Variants in ATP13A4 observed in about 807,000 individuals in gnomAD.
ATP13A4 encodes the protein probable cation-transporting ATPase 13A4.
ATP13A4 carries 114 observed loss-of-function variants against 142.5 expected under a neutral mutation model. That is an observed-to-expected ratio of 0.80 (90% CI 0.69 to 0.93). The LOEUF is 0.93. Among genes scored for constraint, ATP13A4 ranks in the 40% least tolerant of loss-of-function variants. ATP13A4 has a pLI of 0.00. For synonymous variants in ATP13A4, 488 were observed against 514.8 expected, an observed-to-expected ratio of 0.95 and a Z score of 0.70; for missense variants, 1,392 against 1,454.0, an observed-to-expected ratio of 0.96 and a Z score of 0.69.
At chr3:193,577,746 T>C (rs1406868062) in intron 2 of ATP13A4, among the ~76,000 whole-genome samples, 2 of 152,210 alleles carry the variant, frequency 1.3e-5, no homozygotes. Context: ...TCTTTGCTGA[T>C]GAAGTAGGAC....
At chr3:193,567,424 G>A (rs1034547753) in intron 2 of ATP13A4, among the ~76,000 whole-genome samples, 6 of 152,104 alleles carry the variant, frequency 3.9e-5, no homozygotes, top group Non-Finnish European at 8.8e-5. Context: ...TTTTGCTATA[G>A]CATCATGTAG....
chr3:193,582,166 T>C (rs1577089757), intron 1 of ATP13A4, among the ~76,000 whole-genome samples: 1 of 130,620 alleles, frequency 7.7e-6, no homozygotes, highest in Non-Finnish European at 1.6e-5. Flanking sequence ...TTTTTTTTTT[T>C]TGGCGGAGTT....
chr3:193,438,123 C>T (rs946426821), intron 23 of ATP13A4, among the ~76,000 whole-genome samples: 3 of 152,070 alleles, frequency 2.0e-5, no homozygotes, highest in South Asian at 4.2e-4. Context: ...TGAGCCACTG[C>T]GCCCGGCCAA....
At chr3:193,451,946 G>A (rs1186464971) in intron 17 of ATP13A4, among the ~76,000 whole-genome samples, 1 of 152,160 alleles carries the variant, frequency 6.6e-6, no homozygotes. Context: ...TCAAATCCTA[G>A]TTGAGAATTT....
At chr3:193,473,129 A>G (rs1027960267) in intron 8 of ATP13A4, among the ~76,000 whole-genome samples, 1 of 152,256 alleles carries the variant, frequency 6.6e-6, no homozygotes, top group South Asian at 2.1e-4. Context: ...CAAGAAAAGT[A>G]TAATATAAGC....
chr3:193,460,386 C>T (rs1275075080), intron 13 of ATP13A4, among the ~76,000 whole-genome samples: 1 of 152,164 alleles, frequency 6.6e-6, no homozygotes, highest in Admixed American at 6.5e-5. Context: ...TGCTGTAGCC[C>T]TTTGTTTTGA....
chr3:193,489,964 T>C (rs773094800), intron 6 of ATP13A4, 100 bp from the exon 7 acceptor site: 1 of 1,270,792 alleles, frequency 7.9e-7, no homozygotes, highest in Non-Finnish European at 1.1e-6. Context: ...ACATACATCA[T>C]CCCACACAAT....
At chr3:193,573,264 T>TATATATATATACATATATATATATACAC (rs1293295315) in intron 2 of ATP13A4, among the ~76,000 whole-genome samples, 1 of 108,458 alleles carries the variant, frequency 9.2e-6, no homozygotes, top group Non-Finnish European at 1.8e-5. Flanking sequence ...CACAGCCATA[T>TATATATATATACATATATATATATACAC]ATATATATAT....
intron 2 of ATP13A4, among the ~76,000 whole-genome samples, chr3:193,569,595 A>G (rs931405497): frequency 1.3e-5 from 2 of 151,986 alleles, no homozygotes. Flanking sequence ...CCAGGCAACA[A>G]TAGCTCACTG....
intron 25 of ATP13A4, among the ~76,000 whole-genome samples, chr3:193,416,088 G>T (rs1016814524): frequency 7.2e-5 from 11 of 152,262 alleles, no homozygotes; most frequent in South Asian, 4.1e-4. Flanking sequence ...ACTCCTAGAG[G>T]TCAAGCAAAT....
At chr3:193,582,612 T>TAA (rs1402536202) in intron 1 of ATP13A4, among the ~76,000 whole-genome samples, 1 of 109,236 alleles carries the variant, frequency 9.2e-6, no homozygotes, top group African/African-American at 3.9e-5. Flanking sequence ...ATTACATGTA[T>TAA]ATTATATATG....
chr3:193,407,139 C>A (rs562534733), intron 29 of ATP13A4, among the ~76,000 whole-genome samples, 174 bp downstream of exon 29: 2 of 152,276 alleles, frequency 1.3e-5, no homozygotes, highest in East Asian at 3.9e-4. Context: ...AAACTAACGT[C>A]CTGCTTGGGA....
chr3:193,413,181 T>C (rs1714864575), intron 26 of ATP13A4, among the ~76,000 whole-genome samples: 1 of 152,208 alleles, frequency 6.6e-6, no homozygotes, highest in Non-Finnish European at 1.5e-5. Flanking sequence ...CCTATGCCTG[T>C]CTTTACTGCA....
intron 27 of ATP13A4, among the ~76,000 whole-genome samples, chr3:193,411,349 T>C (rs1314684924): frequency 2.0e-5 from 3 of 152,194 alleles, no homozygotes; most frequent in African/African-American, 7.2e-5. Flanking sequence ...ACATGTTCAA[T>C]AAATGCCTTG....
chr3:193,422,026 T>C (rs1715426767), intron 25 of ATP13A4, among the ~76,000 whole-genome samples: 1 of 149,344 alleles, frequency 6.7e-6, no homozygotes, highest in Non-Finnish European at 1.5e-5. Context: ...AAAACAAGAC[T>C]CATCTACATA....
At chr3:193,577,203 A>G (rs1464116020) in intron 2 of ATP13A4, among the ~76,000 whole-genome samples, 1 of 152,226 alleles carries the variant, frequency 6.6e-6, no homozygotes, top group African/African-American at 2.4e-5. Flanking sequence ...AGTTATGCAT[A>G]AATTAGCTTT....
chr3:193,435,811 C>T, intron 23 of ATP13A4, 67 bp from the exon 24 acceptor site: 1 of 1,370,286 alleles, frequency 7.3e-7, no homozygotes, highest in Non-Finnish European at 1.0e-6. Context: ...TCATTCTGTG[C>T]TGTTCAGCTA....
At position 193,457,424 on chromosome 3, in the gene ATP13A4, C is replaced by T; in HGVS notation, c.1716G>A (p.Val572=). The change falls in exon 15 of 30, where the codon GTG becomes GTA. Residue 572 remains valine (V), a synonymous_variant. Coordinates refer to ENST00000342695, the MANE Select transcript of ATP13A4 (RefSeq NM_032279.4). ...FSGDDFHIKG[V]PAHAMVVKPC... Reference sequence around the variant, plus strand: ...GCTTAACTACCATGGCATGTGCCGGCACTCCCTTGATGTGGAAATCGTCCC... The same window carrying T: ...GCTTAACTACCATGGCATGTGCCGGTACTCCCTTGATGTGGAAATCGTCCC... 1 of 1,614,190 alleles carries T rather than the reference C, an allele frequency of 6.2e-7. No individual in the cohort carries two copies. The highest frequency in any genetic ancestry group is 8.5e-7 in the Non-Finnish European group (1 of 1,180,020).
At chr3:193,497,535 T>C (rs1720312775) in intron 3 of ATP13A4, among the ~76,000 whole-genome samples, 1 of 152,162 alleles carries the variant, frequency 6.6e-6, no homozygotes, top group Non-Finnish European at 1.5e-5. Flanking sequence ...AAAAATAAAC[T>C]ATCATATGAT....
Sources: allele counts gnomAD v4.1 joint callset (sites outside exome capture counted in the v4.1 genomes callset), GRCh38; gene constraint gnomAD v4.1.1; transcripts MANE v1.5; gene names NCBI Gene and HGNC (gene_info 2026-07-23, HGNC 2026-07-21).